LOXHD1: variants seen among roughly 807,000 people sequenced by gnomAD.
LOXHD1 encodes the protein lipoxygenase homology PLAT domains 1.
In LOXHD1, 205 loss-of-function variants were observed where a neutral mutation model predicts 248.2. That is an observed-to-expected ratio of 0.83 (90% CI 0.74 to 0.93). The LOEUF is 0.93. LOXHD1 is among the 40% of genes least tolerant of loss of function. The pLI, the probability that LOXHD1 is intolerant of heterozygous loss-of-function variation, is 0.00. For missense variants in LOXHD1, 2,930 were observed against 2,971.6 expected (o/e 0.99, Z 0.33); for synonymous variants, 1,113 against 1,162.8 (o/e 0.96, Z 0.87).
intron 37 of LOXHD1, among the ~76,000 whole-genome samples, chr18:46,503,590 T>C (rs556511467): frequency 2.5e-4 from 38 of 152,324 alleles, no homozygotes; most frequent in African/African-American, 8.7e-4. Flanking sequence ...GAATGGATGA[T>C]GAGATGGAGG....
intron 4 of LOXHD1, among the ~76,000 whole-genome samples, chr18:46,634,488 A>G (rs984171990): frequency 6.6e-6 from 1 of 152,246 alleles, no homozygotes; most frequent in Non-Finnish European, 1.5e-5. Flanking sequence ...CACAGATGAA[A>G]TGCTGTAAAA....
At chr18:46,485,681 G>T (rs1164493123) in intron 38 of LOXHD1, among the ~76,000 whole-genome samples, 3 of 152,176 alleles carry the variant, frequency 2.0e-5, no homozygotes, top group Non-Finnish European at 4.4e-5. Context: ...CAAGTGCCAG[G>T]ACTGGACTAG....
At chr18:46,648,505 G>C (rs1156849697) in intron 2 of LOXHD1, among the ~76,000 whole-genome samples, 1 of 152,164 alleles carries the variant, frequency 6.6e-6, no homozygotes, top group Non-Finnish European at 1.5e-5. Flanking sequence ...CCACTCCTGA[G>C]GCCCAAAACG....
At chr18:46,491,364 G>A (rs1465794802) in intron 37 of LOXHD1, among the ~76,000 whole-genome samples, 1 of 152,228 alleles carries the variant, frequency 6.6e-6, no homozygotes, top group East Asian at 1.9e-4. Flanking sequence ...ATAGGTTACT[G>A]AGCCCTACTG....
At chr18:46,519,153 C>T (rs2035433717) in intron 33 of LOXHD1, 1 of 946,290 alleles carries the variant, frequency 1.1e-6, no homozygotes, top group Non-Finnish European at 1.3e-6. Context: ...ATTCTTACTC[C>T]CTTCCTTCTC....
chr18:46,583,883 T>C (rs1022696022), intron 12 of LOXHD1, among the ~76,000 whole-genome samples: 4 of 152,056 alleles, frequency 2.6e-5, no homozygotes, highest in African/African-American at 9.7e-5. Flanking sequence ...TGACAAGATA[T>C]CTGTACTCTC....
intron 21 of LOXHD1, among the ~76,000 whole-genome samples, chr18:46,551,579 TA>T (rs936657767): frequency 2.6e-5 from 4 of 152,080 alleles, no homozygotes; most frequent in African/African-American, 9.6e-5. Flanking sequence ...TCACTATTAA[TA>T]AAAAAAATCA....
Position 46,542,870 on chromosome 18 carries a change from AC to A in LOXHD1, c.3620-16del. On this transcript the variant is annotated splice_polypyrimidine_tract_variant and intron_variant, in intron 23 of 40. Coordinates refer to ENST00000642948, the MANE Select transcript of LOXHD1 (RefSeq NM_001384474.1). ...GAGGGTCATTCCTGTGGATCAGATG[AC>A]CCCAGCATGACTGGCTGGACCTGAG... is the stretch of plus-strand genomic sequence containing the variant. 1.9e-6 allele frequency: 3 copies of A among 1,551,558 alleles called. No homozygotes were observed. Among genetic ancestry groups the A allele is most frequent in the Non-Finnish European group, 2.6e-6 (3 of 1,146,976 alleles).
At chr18:46,601,154 A>C in intron 8 of LOXHD1, 63 bp downstream of exon 8, 5 of 1,500,918 alleles carry the variant, frequency 3.3e-6, no homozygotes, top group African/African-American at 1.4e-5. Flanking sequence ...TAAAGTTTGT[A>C]CTTGCAAGTT....
rs1555685816 is a variant in LOXHD1, at chr18:46,608,035, G to GGGAAGGAAGGAAGGAAGGAAACAAGGAA, written c.759+2740_759+2741insTTCCTTGTTTCCTTCCTTCCTTCCTTCC. ...TTAAAAACAAACACGGAAGGAAGGAGGGAAGGAAGGAAGGAAGGAAGGAAG... is the reference window on the plus strand; with the variant it reads ...TTAAAAACAAACACGGAAGGAAGGAGGGAAGGAAGGAAGGAAGGAAACAAGGAAGGAAGGAAGGAAGGAAGGAAGGAAG... On this transcript the variant is annotated intron_variant, in intron 6 of 40. Transcript: ENST00000642948. Among the ~76,000 whole-genome samples, 147 of 111,362 alleles carry GGGAAGGAAGGAAGGAAGGAAACAAGGAA rather than the reference G, an allele frequency of 1.3e-3. 4 individuals carry two copies. The highest frequency in any genetic ancestry group is 4.2e-3 in the African/African-American group (128 of 30,788). The allele number at this position is 111,362 out of a possible 152,430, so 73.1% of individuals were successfully genotyped here. A position where few individuals can be genotyped will look rare whatever the true frequency, so the allele number is the denominator to read the frequency against.
chr18:46,591,496 C>T (rs1318926410), intron 12 of LOXHD1, among the ~76,000 whole-genome samples: 2 of 152,226 alleles, frequency 1.3e-5, no homozygotes, highest in African/African-American at 4.8e-5. Flanking sequence ...CTTAGTCCTT[C>T]TCCTGCTATC....
At chr18:46,638,740 G>A (rs779515888) in intron 4 of LOXHD1, among the ~76,000 whole-genome samples, 1 of 152,190 alleles carries the variant, frequency 6.6e-6, no homozygotes, top group Non-Finnish European at 1.5e-5. Flanking sequence ...TAGCTGGGAG[G>A]TAGAAAATTG....
At position 46,557,387 on chromosome 18, in the gene LOXHD1, T is replaced by C. The variant is rs527798908; in HGVS notation, c.3319A>G (p.Ile1107Val). Residue 1107 changes from isoleucine to valine, a missense_variant, in exon 21 of 41, where the codon ATA (isoleucine) becomes GTA (valine). By Grantham distance (29) the Ile-to-Val change is conservative (BLOSUM62 3). Coordinates refer to ENST00000642948, the MANE Select transcript of LOXHD1 (RefSeq NM_001384474.1). ...TCGTTGTTCATGTCAGTAATGTCTA[T>C]TCTGTCCAGGAACCAGCCTGCTCTG... ...GNRAGWFLDR[I>V]DITDMNNEIT... 4.3e-5 allele frequency: 66 copies of C among 1,552,330 alleles called. No individual in the cohort carries two copies. In the South Asian group the frequency reaches 7.6e-4, roughly 18 times the overall value.
At chr18:46,516,670 A>T (rs1352158828) in intron 34 of LOXHD1, among the ~76,000 whole-genome samples, 1 of 152,044 alleles carries the variant, frequency 6.6e-6, no homozygotes, top group Non-Finnish European at 1.5e-5. Flanking sequence ...CATCACCATC[A>T]CAATTATCAT....
intron 38 of LOXHD1, among the ~76,000 whole-genome samples, chr18:46,487,724 A>G (rs2033162864): frequency 6.6e-6 from 1 of 152,184 alleles, no homozygotes; most frequent in African/African-American, 2.4e-5. Flanking sequence ...ACCTTCCACA[A>G]TGGAGAGAGT....
At chr18:46,603,780 A>T (rs1349187708) in intron 7 of LOXHD1, among the ~76,000 whole-genome samples, 1 of 152,172 alleles carries the variant, frequency 6.6e-6, no homozygotes, top group Non-Finnish European at 1.5e-5. Flanking sequence ...TATACTAAGC[A>T]CTCAATATCA....
At chr18:46,533,432 C>A (rs2036165390) in intron 27 of LOXHD1, 108 bp from the exon 28 acceptor site, 3 of 1,283,918 alleles carry the variant, frequency 2.3e-6, no homozygotes, top group Non-Finnish European at 3.2e-6. Context: ...ATCATGGGGC[C>A]CCATAAATAA....
chr18:46,602,170 A>C lies in LOXHD1; in HGVS notation c.884-703T>G, dbSNP rs554721574. ...GACAAACATTTGGACAGGCAATTCT[A>C]CTAAGGACTGGCCTGGCCTAGATTT... is the stretch of plus-strand genomic sequence containing the variant. On this transcript the variant is annotated intron_variant, in intron 7 of 40. Transcript: ENST00000642948. 2.6e-5 allele frequency among the ~76,000 whole-genome samples: 4 copies of C among 152,292 alleles called. No homozygotes were observed. In the South Asian group the frequency reaches 8.3e-4, roughly 32 times the overall value.
Position 46,522,084 on chromosome 18 carries a change from C to A in LOXHD1, c.5085+17G>T. ...CCCTAGGGTGGTCACTATCATGGGG[C>A]CCCGAGAAGCCAGCACCTCTATTTT... On this transcript the variant is annotated intron_variant, in intron 32 of 40. Coordinates refer to ENST00000642948, the MANE Select transcript of LOXHD1 (RefSeq NM_001384474.1). 6.5e-7 allele frequency: 1 copy of A among 1,540,326 alleles called. No individual in the cohort carries two copies. Among genetic ancestry groups the A allele is most frequent in the South Asian group, 1.2e-5 (1 of 83,442 alleles).
Sources: gnomAD v4.1 joint callset for allele counts (sites outside exome capture counted in the v4.1 genomes callset) on GRCh38, gnomAD v4.1.1 for gene constraint, MANE v1.5 for transcripts, NCBI Gene and HGNC (gene_info 2026-07-23, HGNC 2026-07-21) for gene names.